Variants in ETNK1 observed in about 807,000 individuals in gnomAD.
The protein encoded by ETNK1 is ethanolamine kinase 1.
A neutral mutation model predicts 45.1 loss-of-function variants in ETNK1; 8 were observed. The observed-to-expected ratio is 0.18, with a 90% CI of 0.10 to 0.32. The LOEUF is 0.32. Ranked by LOEUF, ETNK1 falls within the 10% of genes least tolerant of loss-of-function variation. The pLI is 1.00. For missense variants in ETNK1, 302 were observed against 430.6 expected (o/e 0.70, Z 2.64); for synonymous variants, 152 against 151.9 (o/e 1.00, Z -0.01).
At position 22,651,299 on chromosome 12, in the gene ETNK1, C is replaced by A. The variant is rs1953871653; in HGVS notation, c.416+7277C>A. Among the ~76,000 whole-genome samples the A allele has an allele frequency of 3.3e-5, 5 of 152,204 alleles. No individual in the cohort carries two copies. In the South Asian group the frequency reaches 1.0e-3, roughly 31 times the overall value. On this transcript the variant is annotated intron_variant, in intron 2 of 7. Coordinates refer to ENST00000266517, the MANE Select transcript of ETNK1 (RefSeq NM_018638.5). ...AGTGCCATGTTGCCTGCCTCTTTTACTAGACACATGGTGACAAAGAAAAGG... is the reference window on the plus strand; with the variant it reads ...AGTGCCATGTTGCCTGCCTCTTTTAATAGACACATGGTGACAAAGAAAAGG...
At chr12:22,655,336 T>G (rs60862000) in intron 2 of ETNK1, among the ~76,000 whole-genome samples, 18 of 138,286 alleles carry the variant, frequency 1.3e-4, no homozygotes, top group Admixed American at 3.4e-4. Context: ...TTGTTTTTTT[T>G]TTTTTTTTTT....
Position 22,640,251 on chromosome 12 carries a change from G to C in ETNK1, c.157-3512G>C, listed in dbSNP as rs1363854556. ...TTAAACTAAAGATTAGAAGTGATTA[G>C]TAGCTAAATTTACTAGCTTAGTAGT... On this transcript the variant is annotated intron_variant, in intron 1 of 7. Transcript: ENST00000266517. 2.6e-5 allele frequency among the ~76,000 whole-genome samples: 4 copies of C among 152,228 alleles called. No homozygotes were observed. The East Asian group carries it at 7.7e-4, about 29-fold the overall frequency.
At chr12:22,670,418 G>A (rs1280377007) in intron 4 of ETNK1, among the ~76,000 whole-genome samples, 1 of 148,582 alleles carries the variant, frequency 6.7e-6, no homozygotes, top group Non-Finnish European at 1.5e-5. Flanking sequence ...TTTTTCTCTC[G>A]AATATAGGAC....
chr12:22,671,936 C>T (rs1301099135), intron 5 of ETNK1, among the ~76,000 whole-genome samples: 1 of 149,626 alleles, frequency 6.7e-6, no homozygotes, highest in Non-Finnish European at 1.5e-5. Flanking sequence ...CTTCATAAAT[C>T]TTACCTCATT....
intron 3 of ETNK1, 83 bp from the exon 4 acceptor site, chr12:22,660,980 A>T: frequency 1.6e-6 from 2 of 1,220,356 alleles, no homozygotes; most frequent in South Asian, 1.4e-5. Context: ...AATTGAAGGG[A>T]TTTATTCAAA....
chr12:22,675,804 A>G (rs1223624732), intron 6 of ETNK1, among the ~76,000 whole-genome samples: 1 of 152,212 alleles, frequency 6.6e-6, no homozygotes, highest in Non-Finnish European at 1.5e-5. Flanking sequence ...GGTCTGATTA[A>G]AAAAAGATAA....
intron 2 of ETNK1, among the ~76,000 whole-genome samples, chr12:22,651,108 C>G (rs1953869081): frequency 6.6e-6 from 1 of 152,148 alleles, no homozygotes; most frequent in Non-Finnish European, 1.5e-5. Flanking sequence ...GTTGCCAGTT[C>G]TGTGGTGTAA....
intron 1 of ETNK1, 57 bp from the exon 2 acceptor site, chr12:22,643,706 G>C: frequency 7.0e-7 from 1 of 1,436,710 alleles, no homozygotes; most frequent in Non-Finnish European, 9.4e-7. Flanking sequence ...TTTATCTCCT[G>C]TTCTCTAAAG....
rs577109463 is a variant in ETNK1, at chr12:22,657,739, C to T, written c.417-1275C>T. Among the ~76,000 whole-genome samples the T allele has an allele frequency of 6.3e-4, 96 of 152,230 alleles. 1 individual carries two copies. The highest frequency in any genetic ancestry group is 2.3e-3 in the African/African-American group (95 of 41,554). Reference sequence around the variant, plus strand: ...TAGAATGCTCTGAGCAAGTCAGGGTCATATGTTCACTTACTACTGAAGTGA... The same window carrying T: ...TAGAATGCTCTGAGCAAGTCAGGGTTATATGTTCACTTACTACTGAAGTGA... On this transcript the variant is annotated intron_variant, in intron 2 of 7. Coordinates refer to ENST00000266517, the MANE Select transcript of ETNK1 (RefSeq NM_018638.5).
intron 2 of ETNK1, chr12:22,644,729 A>G (rs73080481): frequency 0.078 from 11,935 of 152,230 alleles, 645 homozygotes; most frequent in South Asian, 0.14. Context: ...AATATCAAGT[A>G]CATGTCCTGT....
At chr12:22,647,379 C>G (rs948821715) in intron 2 of ETNK1, among the ~76,000 whole-genome samples, 1 of 151,798 alleles carries the variant, frequency 6.6e-6, no homozygotes, top group Non-Finnish European at 1.5e-5. Flanking sequence ...TGTGCATGTA[C>G]AGTTGGTAGT....
In ETNK1 at chr12:22,687,423, T is replaced by G. The variant is rs1475926811; in HGVS notation, c.*2469T>G. 1 of 152,356 alleles carries G rather than the reference T, an allele frequency of 6.6e-6. No individual in the cohort carries two copies. The highest frequency in any genetic ancestry group is 1.5e-5 in the Non-Finnish European group (1 of 67,816). 9.4% of individuals were successfully genotyped at this position (152,356 alleles called of 1,614,324 possible). ...CCTTACCTAATAACTCAACTAGTAGTAAGCTCATTTTGTAAATATGAAAAT... is the reference window on the plus strand; with the variant it reads ...CCTTACCTAATAACTCAACTAGTAGGAAGCTCATTTTGTAAATATGAAAAT... On this transcript the variant is annotated 3_prime_UTR_variant, in exon 8 of 8. Coordinates refer to ENST00000266517, the MANE Select transcript of ETNK1 (RefSeq NM_018638.5).
At chr12:22,626,873 CT>C (rs1449883717) in intron 1 of ETNK1, among the ~76,000 whole-genome samples, 3 of 152,060 alleles carry the variant, frequency 2.0e-5, no homozygotes, top group African/African-American at 7.2e-5. Flanking sequence ...GGAAATGTGT[CT>C]TCCAAATTGA....
intron 1 of ETNK1, among the ~76,000 whole-genome samples, chr12:22,638,308 G>A (rs1422203971): frequency 1.3e-5 from 2 of 150,742 alleles, no homozygotes; most frequent in African/African-American, 4.9e-5. Flanking sequence ...CTGGAGTGCA[G>A]TGGAGCGATC....
At chr12:22,657,823 T>C (rs1953960111) in intron 2 of ETNK1, among the ~76,000 whole-genome samples, 1 of 151,944 alleles carries the variant, frequency 6.6e-6, no homozygotes, top group Non-Finnish European at 1.5e-5. Flanking sequence ...AAAGTAAGAG[T>C]GATAGAAGTT....
chr12:22,671,224 G>C, intron 4 of ETNK1, 48 bp from the exon 5 acceptor site: 1 of 1,280,556 alleles, frequency 7.8e-7, no homozygotes, highest in Non-Finnish European at 1.1e-6. Flanking sequence ...GGGATTTTCT[G>C]ATCTTATATG....
At chr12:22,631,720 A>T (rs1312316807) in intron 1 of ETNK1, among the ~76,000 whole-genome samples, 1 of 152,192 alleles carries the variant, frequency 6.6e-6, no homozygotes, top group Non-Finnish European at 1.5e-5. Context: ...TCAATTGATT[A>T]CAGGTTAGGG....
chr12:22,674,576 G>A (rs1430948274), intron 6 of ETNK1, among the ~76,000 whole-genome samples: 1 of 152,158 alleles, frequency 6.6e-6, no homozygotes. Flanking sequence ...GTCCTAGGAT[G>A]CCTGCTTTTC....
intron 4 of ETNK1, among the ~76,000 whole-genome samples, chr12:22,668,394 G>C (rs1592133253): frequency 6.6e-6 from 1 of 152,150 alleles, no homozygotes; most frequent in African/African-American, 2.4e-5. Flanking sequence ...CCAGTAATTT[G>C]ATTTTTCTGG....
Sources: gnomAD v4.1 joint callset for allele counts (sites outside exome capture counted in the v4.1 genomes callset) on GRCh38, gnomAD v4.1.1 for gene constraint, MANE v1.5 for transcripts, NCBI Gene and HGNC (gene_info 2026-07-23, HGNC 2026-07-21) for gene names.